The following ERG variants were observed in gnomAD, a reference collection of about 807,000 sequenced individuals.
ERG encodes the protein transcriptional regulator ERG.
A neutral mutation model predicts 55.3 loss-of-function variants in ERG; 9 were observed. The ratio of observed to expected loss-of-function variants is 0.16; its 90% CI spans 0.10 to 0.28. The LOEUF (loss-of-function observed/expected upper bound fraction) is 0.28, where lower values mean the gene tolerates loss of function less well. Among genes scored for constraint, ERG ranks in the 10% least tolerant of loss-of-function variants. ERG has a pLI of 1.00. For missense variants in ERG, 434 were observed against 631.6 expected (o/e 0.69, Z 3.35); for synonymous variants, 223 against 237.3 (o/e 0.94, Z 0.55).
At chr21:38,511,781 T>C (rs1330398766) in intron 2 of ERG, among the ~76,000 whole-genome samples, 2 of 152,134 alleles carry the variant, frequency 1.3e-5, no homozygotes, top group African/African-American at 4.8e-5. Context: ...TTTGGGTTGG[T>C]TAATTATCTG....
intron 1 of ERG, among the ~76,000 whole-genome samples, chr21:38,497,166 A>G (rs2059386743): frequency 6.6e-6 from 1 of 152,262 alleles, no homozygotes; most frequent in Non-Finnish European, 1.5e-5. Context: ...ATAAAAGCTG[A>G]ACTTCTCAAA....
At chr21:38,544,966 T>C (rs28562445) in intron 2 of ERG, among the ~76,000 whole-genome samples, 76,721 of 151,874 alleles carry the variant, frequency 0.51, 20,701 homozygotes, top group Non-Finnish European at 0.62. Context: ...AGGAAGCTTC[T>C]ACCCGCTCTT....
rs544644266 is a variant in ERG at position 38,631,786 on chromosome 21, C to T, written c.-150+29872G>A. On this transcript the variant is annotated intron_variant, in intron 1 of 10. Transcript: ENST00000398910. Reference sequence around the variant, plus strand: ...CCTCATCCCAGCTCAACCCTCCTGGCATCTCCTCTCTCCTGCCAGGTTTGT... The same window carrying T: ...CCTCATCCCAGCTCAACCCTCCTGGTATCTCCTCTCTCCTGCCAGGTTTGT... Among the ~76,000 whole-genome samples the T allele has an allele frequency of 7.9e-5, 12 of 152,126 alleles. No individual in the cohort carries two copies. The South Asian group carries it at 2.5e-3, about 32-fold the overall frequency.
chr21:38,416,890 T>C (rs1989304652), intron 3 of ERG, among the ~76,000 whole-genome samples: 1 of 152,108 alleles, frequency 6.6e-6, no homozygotes, highest in South Asian at 2.1e-4. Context: ...GCGCGTGAGT[T>C]GGGGATGTGG....
intron 2 of ERG, among the ~76,000 whole-genome samples, chr21:38,537,040 AT>A (rs1452018972): frequency 2.0e-5 from 3 of 152,200 alleles, no homozygotes; most frequent in African/African-American, 7.2e-5. Flanking sequence ...TTCAAAGATC[AT>A]TTAATGAGAA....
intron 6 of ERG, among the ~76,000 whole-genome samples, chr21:38,394,595 G>A (rs1057093535): frequency 5.9e-5 from 9 of 152,086 alleles, no homozygotes; most frequent in African/African-American, 1.9e-4. Context: ...CCCGTGATCC[G>A]CCCGCCTCAG....
intron 2 of ERG, among the ~76,000 whole-genome samples, chr21:38,544,685 T>C (rs2059776878): frequency 6.6e-6 from 1 of 151,988 alleles, no homozygotes; most frequent in Non-Finnish European, 1.5e-5. Flanking sequence ...AATGATTATA[T>C]AAGGTACACA....
intron 2 of ERG, among the ~76,000 whole-genome samples, chr21:38,570,795 A>G (rs1431137964): frequency 6.6e-6 from 1 of 152,204 alleles, no homozygotes; most frequent in Non-Finnish European, 1.5e-5. Flanking sequence ...TTTCATGACT[A>G]GCATCTCTGG....
intron 6 of ERG, among the ~76,000 whole-genome samples, chr21:38,398,394 C>T (rs976691235): frequency 6.6e-6 from 1 of 152,192 alleles, no homozygotes; most frequent in African/African-American, 2.4e-5. Flanking sequence ...AAATTCTTTA[C>T]AGGTCAGATA....
chr21:38,497,054 T>C (rs1352300368), intron 1 of ERG, among the ~76,000 whole-genome samples: 3 of 152,216 alleles, frequency 2.0e-5, no homozygotes, highest in Non-Finnish European at 4.4e-5. Context: ...ATAGGAGCCA[T>C]ATTTCAGCAG....
chr21:38,490,171 A>G (rs987994924), intron 1 of ERG, among the ~76,000 whole-genome samples: 4 of 152,166 alleles, frequency 2.6e-5, no homozygotes, highest in Admixed American at 1.3e-4. Flanking sequence ...TAATGAAGAG[A>G]TAAAAACATG....
At chr21:38,503,723 C>T (rs78691325) in intron 2 of ERG, among the ~76,000 whole-genome samples, 2,800 of 152,172 alleles carry the variant, frequency 0.018, 52 homozygotes, top group African/African-American at 0.054. Flanking sequence ...ATGAGAGCCC[C>T]GCAAGAACGA....
At chr21:38,391,759 T>C in intron 7 of ERG, 44 bp from the exon 8 acceptor site, 1 of 1,480,562 alleles carries the variant, frequency 6.8e-7, no homozygotes, top group Non-Finnish European at 9.4e-7. Flanking sequence ...ATAACAGATT[T>C]GGTCACTAGT....
chr21:38,528,849 G>C (rs1359599908), intron 2 of ERG, among the ~76,000 whole-genome samples: 8 of 152,028 alleles, frequency 5.3e-5, no homozygotes, highest in Admixed American at 5.2e-4. Context: ...AAGCTTCATT[G>C]AGAGAACCAC....
At chr21:38,626,768 A>G (rs2060327325) in intron 1 of ERG, among the ~76,000 whole-genome samples, 1 of 152,174 alleles carries the variant, frequency 6.6e-6, no homozygotes, top group South Asian at 2.1e-4. Flanking sequence ...TGTATTTATA[A>G]CCTTTATTGA....
chr21:38,495,800 G>A (rs1029563060), intron 1 of ERG, among the ~76,000 whole-genome samples: 1 of 152,276 alleles, frequency 6.6e-6, no homozygotes, highest in South Asian at 2.1e-4. Context: ...GCACAATCGA[G>A]TTTTCAGTGC....
intron 1 of ERG, among the ~76,000 whole-genome samples, chr21:38,590,634 A>G (rs186084458): frequency 1.3e-5 from 2 of 151,042 alleles, no homozygotes; most frequent in African/African-American, 4.9e-5. Context: ...CTATCCATCC[A>G]TGTATTCATC....
upstream of ERG, among the ~76,000 whole-genome samples, chr21:38,585,532 C>CTTTTTTT (rs760791568): frequency 4.4e-4 from 26 of 59,280 alleles, 4 homozygotes; most frequent in South Asian, 1.7e-3. Flanking sequence ...TCTCTCTCTT[C>CTTTTTTT]TTTTTTTTTT....
chr21:38,397,463 T>C (rs544259988), intron 6 of ERG, among the ~76,000 whole-genome samples: 12 of 151,942 alleles, frequency 7.9e-5, no homozygotes, highest in African/African-American at 2.7e-4. Context: ...CTGGGCATGA[T>C]GGCATGCGCC....
Sources: allele counts gnomAD v4.1 joint callset (sites outside exome capture counted in the v4.1 genomes callset), GRCh38; gene constraint gnomAD v4.1.1; transcripts MANE v1.5; gene names NCBI Gene and HGNC (gene_info 2026-07-23, HGNC 2026-07-21).